The following CNBD1 variants were observed in gnomAD, a reference collection of about 807,000 sequenced individuals.
CNBD1 encodes cyclic nucleotide binding domain containing 1.
Under a neutral mutation model 54.4 loss-of-function variants are expected in CNBD1, and 71 were observed. That is an observed-to-expected ratio of 1.30 (90% CI 1.08 to 1.59). The LOEUF is 1.59. Ranked by LOEUF, CNBD1 falls within the 40% of genes most tolerant of loss-of-function variation. The probability of loss-of-function intolerance (pLI) is 0.00; values close to 1 mark genes in which losing one functional copy is unlikely to be tolerated. For synonymous variants in CNBD1, 182 were observed against 170.7 expected (o/e 1.07, Z -0.51); for missense variants, 659 against 518.0 (o/e 1.27, Z -2.64).
At chr8:87,325,550 T>G (rs1809648908) in intron 8 of CNBD1, among the ~76,000 whole-genome samples, 1 of 121,284 alleles carries the variant, frequency 8.2e-6, no homozygotes, top group Non-Finnish European at 1.7e-5. Context: ...CCCTTTACCA[T>G]TATGTAATGG....
intron 4 of CNBD1, among the ~76,000 whole-genome samples, chr8:87,030,498 G>A (rs1200448681): frequency 6.6e-6 from 1 of 152,018 alleles, no homozygotes; most frequent in Admixed American, 6.6e-5. Flanking sequence ...GAAATCACTT[G>A]CTCCTTTTCA....
chr8:87,226,841 G>A (rs1209842485), intron 5 of CNBD1, among the ~76,000 whole-genome samples: 2 of 151,278 alleles, frequency 1.3e-5, no homozygotes, highest in Non-Finnish European at 2.9e-5. Flanking sequence ...ACAGTGGGGT[G>A]TTAAAGTCTC....
intron 6 of CNBD1, among the ~76,000 whole-genome samples, chr8:87,240,745 A>C (rs932368915): frequency 6.6e-6 from 1 of 152,142 alleles, no homozygotes; most frequent in Non-Finnish European, 1.5e-5. Context: ...ATGGGACCTT[A>C]TGTGATTGGA....
chr8:87,006,480 G>A (rs1199993720), intron 4 of CNBD1, among the ~76,000 whole-genome samples: 1 of 152,158 alleles, frequency 6.6e-6, no homozygotes, highest in Admixed American at 6.5e-5. Context: ...AGGCTATACA[G>A]GAAACATAGT....
At chr8:87,420,103 C>A (rs778766871) in intron 2 of CNBD1, among the ~76,000 whole-genome samples, 1 of 151,482 alleles carries the variant, frequency 6.6e-6, no homozygotes, top group Admixed American at 6.6e-5. Context: ...TATACCTTAC[C>A]ACATTTACAG....
chr8:87,304,292 A>C (rs1236268716), intron 8 of CNBD1, among the ~76,000 whole-genome samples: 1 of 152,208 alleles, frequency 6.6e-6, no homozygotes, highest in Non-Finnish European at 1.5e-5. Flanking sequence ...TACACCATGG[A>C]ATACTATGCA....
intron 4 of CNBD1, among the ~76,000 whole-genome samples, chr8:86,993,503 G>C (rs892070221): frequency 6.6e-6 from 1 of 152,122 alleles, no homozygotes; most frequent in African/African-American, 2.4e-5. Context: ...GCAGCTAGTG[G>C]GCTCATTTGG....
chr8:86,936,616 G>A lies in CNBD1; in HGVS notation c.273-2980G>A, dbSNP rs551534020. On this transcript the variant is annotated intron_variant, in intron 3 of 10. Coordinates refer to ENST00000518476, the MANE Select transcript of CNBD1 (RefSeq NM_173538.3). ...CAATTAGCCAGGTGTGGTGGTAGGC[G>A]CCTGTAGTCCCAGCTACTCAGGAGG... Among the ~76,000 whole-genome samples the A allele has an allele frequency of 5.3e-5, 8 of 151,856 alleles. No individual in the cohort carries two copies. In the South Asian group the frequency reaches 8.3e-4, roughly 16 times the overall value.
At chr8:86,944,658 G>C (rs1389670823) in intron 4 of CNBD1, among the ~76,000 whole-genome samples, 1 of 152,232 alleles carries the variant, frequency 6.6e-6, no homozygotes, top group East Asian at 1.9e-4. Context: ...GAAAGTGCAT[G>C]AGTCAAATGG....
intron 8 of CNBD1, among the ~76,000 whole-genome samples, chr8:87,307,646 G>A (rs1586000065): frequency 6.6e-6 from 1 of 151,816 alleles, no homozygotes; most frequent in South Asian, 2.1e-4. Flanking sequence ...GCTGAGGCAG[G>A]AGAATCGCTT....
intron 2 of CNBD1, among the ~76,000 whole-genome samples, chr8:86,896,272 T>A (rs546701077): frequency 6.6e-6 from 1 of 152,248 alleles, no homozygotes. Context: ...TAACTGTACA[T>A]GTTTGGGGGT....
chr8:87,169,378 GTTTCCTT>G (rs1368888107), intron 4 of CNBD1, among the ~76,000 whole-genome samples: 1 of 151,958 alleles, frequency 6.6e-6, no homozygotes. Context: ...TTTGTTCATT[GTTTCCTT>G]TGCTGTGCAA....
intron 5 of CNBD1, among the ~76,000 whole-genome samples, chr8:87,211,423 CA>C (rs1291962667): frequency 3.3e-5 from 5 of 151,866 alleles, no homozygotes; most frequent in South Asian, 2.1e-4. Context: ...ATTTGGGGGC[CA>C]GGGGCAGAAT....
chr8:87,267,069 G>T (rs1351083764), intron 6 of CNBD1, among the ~76,000 whole-genome samples: 1 of 152,058 alleles, frequency 6.6e-6, no homozygotes, highest in Non-Finnish European at 1.5e-5. Context: ...TAAATGAAAA[G>T]ACAAGGCACA....
At chr8:87,013,232 C>G (rs1000387498) in intron 4 of CNBD1, among the ~76,000 whole-genome samples, 1 of 152,146 alleles carries the variant, frequency 6.6e-6, no homozygotes, top group African/African-American at 2.4e-5. Context: ...TTATTCTAAG[C>G]TGGTTTTCCC....
chr8:87,340,732 T>G (rs1810048485), intron 8 of CNBD1, among the ~76,000 whole-genome samples: 1 of 152,136 alleles, frequency 6.6e-6, no homozygotes, highest in South Asian at 2.1e-4. Context: ...GAATTTTTAA[T>G]TCAGATATTC....
chr8:87,364,364 TAAG>T (rs950481589), intron 10 of CNBD1, among the ~76,000 whole-genome samples: 6 of 152,080 alleles, frequency 3.9e-5, no homozygotes, highest in African/African-American at 4.8e-5. Context: ...GTTTATTTTG[TAAG>T]AAGAAGTTAA....
At chr8:87,352,599 C>A (rs1173151233) in intron 9 of CNBD1, among the ~76,000 whole-genome samples, 2 of 151,834 alleles carry the variant, frequency 1.3e-5, no homozygotes, top group Non-Finnish European at 2.9e-5. Flanking sequence ...TGAAATGCCA[C>A]ATAGCAGTAA....
At chr8:86,972,070 G>T (rs1227948570) in intron 4 of CNBD1, among the ~76,000 whole-genome samples, 1 of 151,872 alleles carries the variant, frequency 6.6e-6, no homozygotes, top group Non-Finnish European at 1.5e-5. Flanking sequence ...CTCTGCCTCA[G>T]CCTCCCAAGT....
Sources: allele counts gnomAD v4.1 joint callset (sites outside exome capture counted in the v4.1 genomes callset), GRCh38; gene constraint gnomAD v4.1.1; transcripts MANE v1.5; gene names NCBI Gene and HGNC (gene_info 2026-07-23, HGNC 2026-07-21).